The following GNPTAB variants were observed in gnomAD, a reference collection of about 807,000 sequenced individuals.
The protein encoded by GNPTAB is N-acetylglucosamine-1-phosphotransferase subunits alpha/beta.
In GNPTAB, 92 loss-of-function variants were observed where a neutral mutation model predicts 136.6. The observed-to-expected ratio is 0.67, with a 90% CI of 0.57 to 0.80. The LOEUF (loss-of-function observed/expected upper bound fraction) is 0.80. Ranked by LOEUF, GNPTAB falls within the 30% of genes least tolerant of loss-of-function variation. The pLI, the probability that GNPTAB is intolerant of heterozygous loss-of-function variation, is 0.00. For synonymous variants in GNPTAB, 512 were observed against 535.1 expected, an observed-to-expected ratio of 0.96 and a Z score of 0.60; for missense variants, 1,343 against 1,501.8, an observed-to-expected ratio of 0.89 and a Z score of 1.75.
At chr12:101,788,726 T>C (rs538003842) in intron 3 of GNPTAB, 137 bp from the exon 4 acceptor site, 8 of 665,364 alleles carry the variant, frequency 1.2e-5, no homozygotes, top group East Asian at 2.7e-5. Context: ...GCCATTTTCA[T>C]GCACTGGGAA....
intron 5 of GNPTAB, among the ~76,000 whole-genome samples, chr12:101,784,854 C>G (rs1023839004): frequency 6.6e-6 from 1 of 152,026 alleles, no homozygotes; most frequent in Admixed American, 6.5e-5. Flanking sequence ...TCATTTTACA[C>G]ATAAAAACCA....
In GNPTAB at chr12:101,760,034, T is replaced by C. The variant is rs1952967819; in HGVS notation, c.3245A>G (p.Asn1082Ser). Residue 1082 changes from asparagine (N) to serine (S), a missense_variant, in exon 16 of 21, where the codon AAC becomes AGC. By Grantham distance (46) the Asn-to-Ser change is conservative. Transcript: ENST00000299314. ...AAAGTAACCCATTCCACTTACCAGGTTGGGATCATAGTAGGATTCCTGAGT... is the reference window on the plus strand; with the variant it reads ...AAAGTAACCCATTCCACTTACCAGGCTGGGATCATAGTAGGATTCCTGAGT... ...PPTQESYYDP[N>S]LPPVTKSLVT... 3 of 1,581,668 alleles carry C rather than the reference T, an allele frequency of 1.9e-6. No individual in the cohort carries two copies. Among genetic ancestry groups the C allele is most frequent in the Non-Finnish European group, 2.6e-6 (3 of 1,150,330 alleles).
rs1376780570 is a variant in GNPTAB at position 101,788,541 on chromosome 12, T to A, written c.365+7A>T. On this transcript the variant is annotated splice_region_variant and intron_variant, in intron 4 of 20. Coordinates refer to ENST00000299314, the MANE Select transcript of GNPTAB (RefSeq NM_024312.5). ...TTTTACTCTTGAGAGGAAATCAAAA[T>A]GCTTACCTCTTCTTAGTAGGTTCCG... The A allele has an allele frequency of 2.0e-6, 3 of 1,526,938 alleles. No homozygotes were observed. The East Asian group carries it at 6.7e-5, about 34-fold the overall frequency. The allele number at this position is 1,526,938 out of a possible 1,614,324, so 94.6% of individuals were successfully genotyped here.
chr12:101,809,034 A>G (rs573150837), intron 1 of GNPTAB, among the ~76,000 whole-genome samples: 2 of 152,338 alleles, frequency 1.3e-5, no homozygotes, highest in Admixed American at 6.5e-5. Context: ...TGTAAGACAC[A>G]TATCTGATAA....
At chr12:101,795,224 T>C (rs1390483150) in intron 2 of GNPTAB, among the ~76,000 whole-genome samples, 1 of 152,300 alleles carries the variant, frequency 6.6e-6, no homozygotes, top group East Asian at 1.9e-4. Context: ...CTGAAACCTA[T>C]ACGCAGAAAC....
intron 20 of GNPTAB, among the ~76,000 whole-genome samples, chr12:101,748,696 C>T (rs1159606632): frequency 2.6e-5 from 4 of 152,128 alleles, no homozygotes; most frequent in Non-Finnish European, 5.9e-5. Context: ...GACAACACAA[C>T]GGAACCGTGG....
intron 13 of GNPTAB, among the ~76,000 whole-genome samples, chr12:101,763,380 C>CA (rs1953031447): frequency 3.3e-5 from 5 of 152,134 alleles, no homozygotes; most frequent in Admixed American, 3.3e-4. Flanking sequence ...GTTCCTCCTT[C>CA]ACTCTCTTTT....
intron 1 of GNPTAB, among the ~76,000 whole-genome samples, chr12:101,811,454 T>C (rs1870230452): frequency 6.6e-6 from 1 of 151,854 alleles, no homozygotes; most frequent in African/African-American, 2.4e-5. Context: ...AAGAACTACC[T>C]AAGACTGAGT....
In GNPTAB at chr12:101,830,852, C is replaced by T. The variant is rs1871340340; in HGVS notation, c.-177G>A. 2 of 164,056 alleles carry T rather than the reference C, an allele frequency of 1.2e-5. No homozygotes were observed. Among genetic ancestry groups the T allele is most frequent in the African/African-American group, 4.8e-5 (2 of 41,328 alleles). 10.2% of individuals were successfully genotyped at this position (164,056 alleles called of 1,614,324 possible). A position where few individuals can be genotyped will look rare whatever the true frequency, so the allele number is the denominator to read the frequency against. On this transcript the variant is annotated 5_prime_UTR_variant, in exon 1 of 21. Transcript: ENST00000299314. Reference sequence around the variant, plus strand: ...CGCCCGCTCGGCTCCGCGCCGCGGCCGCCGCTTCCGGGAGCCGGGAGCCCA... The same window carrying T: ...CGCCCGCTCGGCTCCGCGCCGCGGCTGCCGCTTCCGGGAGCCGGGAGCCCA...
chr12:101,797,221 G>A (rs147210137), intron 1 of GNPTAB, among the ~76,000 whole-genome samples: 17 of 152,212 alleles, frequency 1.1e-4, no homozygotes, highest in Non-Finnish European at 2.1e-4. Flanking sequence ...GGCCCTAAGC[G>A]TGACGTGCCT....
intron 5 of GNPTAB, among the ~76,000 whole-genome samples, chr12:101,784,678 T>C (rs1372522979): frequency 7.8e-6 from 1 of 128,066 alleles, no homozygotes; most frequent in Non-Finnish European, 1.5e-5. Flanking sequence ...AAGAATCATG[T>C]GGAAAAAAAA....
chr12:101,753,743 T>C (rs1952857632), intron 18 of GNPTAB, among the ~76,000 whole-genome samples: 1 of 152,240 alleles, frequency 6.6e-6, no homozygotes, highest in Admixed American at 6.5e-5. Flanking sequence ...CTAGGGTAGA[T>C]GGCCTTTTAG....
Position 101,747,225 on chromosome 12 carries a change from C to T in GNPTAB, c.3710G>A (p.Arg1237Gln), listed in dbSNP as rs150841760. 152 of 1,580,260 alleles carry T rather than the reference C, an allele frequency of 9.6e-5. No homozygotes were observed. The East Asian group carries it at 9.6e-4, about 10-fold the overall frequency. ...TATCCTCCTTCTGGGAAATATCTTCCGCTTAAGTGCAATTAACTAAATGAT... is the reference window on the plus strand; with the variant it reads ...TATCCTCCTTCTGGGAAATATCTTCTGCTTAAGTGCAATTAACTAAATGAT... ...FFAEQLIALK[R>Q]KIFPRRRIHK... The change falls in exon 21 of 21, where the codon CGG (arginine) becomes CAG (glutamine). Residue 1237 changes from arginine (R) to glutamine (Q), a missense_variant. Transcript: ENST00000299314.
At chr12:101,803,398 T>G (rs1712246313) in intron 1 of GNPTAB, among the ~76,000 whole-genome samples, 1 of 152,216 alleles carries the variant, frequency 6.6e-6, no homozygotes, top group Non-Finnish European at 1.5e-5. Flanking sequence ...GCATTTCTAA[T>G]CACATTCGAT....
chr12:101,830,262 C>A (rs1027155498), intron 1 of GNPTAB, among the ~76,000 whole-genome samples: 5 of 152,030 alleles, frequency 3.3e-5, no homozygotes, highest in African/African-American at 1.2e-4. Flanking sequence ...GGAGCAATAT[C>A]TAAAATCACA....
At chr12:101,796,968 G>A (rs1346831256) in intron 1 of GNPTAB, among the ~76,000 whole-genome samples, 1 of 152,168 alleles carries the variant, frequency 6.6e-6, no homozygotes, top group Non-Finnish European at 1.5e-5. Flanking sequence ...AAGACTTAGT[G>A]TCTCACCATG....
At chr12:101,801,539 C>CAAAAAAAAAAAAA (rs36066248) in intron 1 of GNPTAB, among the ~76,000 whole-genome samples, 1 of 42,580 alleles carries the variant, frequency 2.3e-5, no homozygotes, top group Non-Finnish European at 5.3e-5. Context: ...GACCCTGTCT[C>CAAAAAAAAAAAAA]AAAAAAAAAA....
intron 1 of GNPTAB, among the ~76,000 whole-genome samples, chr12:101,824,405 C>CATATATATATATATAT (rs373112951): frequency 0.01 from 481 of 47,726 alleles, 3 homozygotes; most frequent in East Asian, 0.026. Flanking sequence ...GAAATTTCAC[C>CATATATATATATATAT]ATATATATAT....
At position 101,780,250 on chromosome 12, in the gene GNPTAB, G is replaced by C. The variant is rs751461388; in HGVS notation, c.673C>G (p.Gln225Glu). Residue 225 changes from glutamine to glutamate, a missense_variant, in exon 7 of 21, where the codon CAA (glutamine) becomes GAA (glutamate). Transcript: ENST00000299314. Reference protein sequence around the residue: ...DKEVPGLVLMQDLAFLSGFPP... With the variant: ...DKEVPGLVLMEDLAFLSGFPP... ...AATCCACTCAGGAAAGCCAAATCTT[G>C]CATTAGCACTAATCCAGGGACTTCT... 1 of 1,613,474 alleles carries C rather than the reference G, an allele frequency of 6.2e-7. No homozygotes were observed. The highest frequency in any genetic ancestry group is 1.3e-5 in the African/African-American group (1 of 74,908).
Sources: gnomAD v4.1 joint callset for allele counts (sites outside exome capture counted in the v4.1 genomes callset) on GRCh38, gnomAD v4.1.1 for gene constraint, MANE v1.5 for transcripts, NCBI Gene and HGNC (gene_info 2026-07-23, HGNC 2026-07-21) for gene names.